Variants in ARPC1A observed in about 807,000 individuals in gnomAD.
The protein encoded by ARPC1A is actin related protein 2/3 complex subunit 1A, also known as actin-related protein 2/3 complex subunit 1A.
ARPC1A carries 8 observed loss-of-function variants against 46.9 expected under a neutral mutation model. The ratio of observed to expected loss-of-function variants is 0.17; its 90% confidence interval spans 0.10 to 0.31. ARPC1A has a LOEUF of 0.31. Among genes scored for constraint, ARPC1A ranks in the 10% least tolerant of loss-of-function variants. ARPC1A has a pLI of 1.00. For missense variants in ARPC1A, 286 were observed against 483.6 expected (o/e 0.59, Z 3.83); for synonymous variants, 152 against 169.0 (o/e 0.90, Z 0.78).
intron 2 of ARPC1A, among the ~76,000 whole-genome samples, chr7:99,337,473 C>T (rs1407466014): frequency 6.6e-6 from 1 of 152,048 alleles, no homozygotes; most frequent in African/African-American, 2.4e-5. Flanking sequence ...GAGAGCATTG[C>T]GTTTGAGCAT....
At chr7:99,331,861 G>A (rs1210549438) in intron 1 of ARPC1A, among the ~76,000 whole-genome samples, 1 of 152,216 alleles carries the variant, frequency 6.6e-6, no homozygotes, top group Non-Finnish European at 1.5e-5. Context: ...GGAGGTTGCA[G>A]TGAGCTGAGA....
chr7:99,356,326 C>A (rs568945808), intron 6 of ARPC1A, among the ~76,000 whole-genome samples: 6 of 152,112 alleles, frequency 3.9e-5, no homozygotes, highest in African/African-American at 1.2e-4. Context: ...CCCCTCAGGC[C>A]GGGTGCAGTG....
At chr7:99,343,114 A>G (rs1297831013) in intron 3 of ARPC1A, among the ~76,000 whole-genome samples, 3 of 152,088 alleles carry the variant, frequency 2.0e-5, no homozygotes, top group African/African-American at 4.8e-5. Context: ...AGAGATCTGT[A>G]ATAAATATTT....
rs73710441 is a variant in ARPC1A at position 99,354,032 on chromosome 7, C to T, written c.624C>T (p.His208=). The change falls in exon 6 of 10, where the codon CAC becomes CAT. Residue 208 remains histidine, a synonymous_variant. Transcript: ENST00000262942. ...FGGSGTGGWV[H]GVSFSASGSR... ...GCAGTGGCACTGGTGGCTGGGTCCA[C>T]GGGGTAAGCTTCTCTGCCAGTGGGA... The T allele has an allele frequency of 2.1e-3, 3,319 of 1,614,006 alleles. 40 individuals are homozygous for T. In the African/African-American group the frequency reaches 0.028, roughly 13 times the overall value.
intron 2 of ARPC1A, among the ~76,000 whole-genome samples, chr7:99,333,973 C>A (rs549204366): frequency 6.8e-6 from 1 of 146,254 alleles, no homozygotes; most frequent in African/African-American, 2.5e-5. Flanking sequence ...CCTGTCTCTA[C>A]GAAAAAAAAT....
chr7:99,340,148 TTTTGTTTGTTTGTTTG>T (rs145394943), intron 3 of ARPC1A: 1 of 392,818 alleles, frequency 2.5e-6, no homozygotes, highest in Non-Finnish European at 5.1e-6. Context: ...TTTTTTCTGT[TTTTGTTTGTTTGTTTG>T]TTTGTTTGTT....
At chr7:99,328,294 G>T (rs1478578011) in intron 1 of ARPC1A, among the ~76,000 whole-genome samples, 3 of 152,130 alleles carry the variant, frequency 2.0e-5, no homozygotes, top group Admixed American at 2.0e-4. Context: ...GCTTGAACCC[G>T]GGAGACGGAG....
At chr7:99,344,920 C>T (rs1178080747) in intron 4 of ARPC1A, among the ~76,000 whole-genome samples, 2,345 of 18,468 alleles carry the variant, frequency 0.13, no homozygotes, top group Non-Finnish European at 0.16. Flanking sequence ...TAACAATGTT[C>T]TTTTTTTTTT....
At position 99,365,992 on chromosome 7, in the gene ARPC1A, A is replaced by C; in HGVS notation, c.*63A>C. On this transcript the variant is annotated 3_prime_UTR_variant, in exon 10 of 10. Transcript: ENST00000262942. ...TGGCCGACCGCAGCTGTGCCGTGGCACGATGGCGAGGAAGCCAGCCCCAAG... is the reference window on the plus strand; with the variant it reads ...TGGCCGACCGCAGCTGTGCCGTGGCCCGATGGCGAGGAAGCCAGCCCCAAG... 1 of 1,526,306 alleles carries C rather than the reference A, an allele frequency of 6.6e-7. No individual in the cohort carries two copies. Among genetic ancestry groups the C allele is most frequent in the Admixed American group, 2.0e-5 (1 of 51,102 alleles). 94.5% of individuals were successfully genotyped at this position (1,526,306 alleles called of 1,614,324 possible).
At chr7:99,341,429 G>T (rs1477151749) in intron 3 of ARPC1A, among the ~76,000 whole-genome samples, 1 of 151,880 alleles carries the variant, frequency 6.6e-6, no homozygotes, top group African/African-American at 2.4e-5. Context: ...CCAACATGGA[G>T]AAACCCCATT....
chr7:99,333,359 A>T lies in ARPC1A; in HGVS notation c.6A>T (p.Ser2=). Reference sequence around the variant, plus strand: ...CTTTGAAAACACTAAGAATAATGTCACTGCATCAGTTTTTACTAGAGCCAA... The same window carrying T: ...CTTTGAAAACACTAAGAATAATGTCTCTGCATCAGTTTTTACTAGAGCCAA... M[S]LHQFLLEPIT... Residue 2 remains serine (S), a synonymous_variant, in exon 2 of 10, where the codon TCA becomes TCT. Transcript: ENST00000262942. 2 of 1,613,236 alleles carry T rather than the reference A, an allele frequency of 1.2e-6. No individual in the cohort carries two copies. The highest frequency in any genetic ancestry group is 4.5e-5 in the East Asian group (2 of 44,856).
At chr7:99,353,341 G>A (rs971366736) in intron 5 of ARPC1A, among the ~76,000 whole-genome samples, 2 of 151,884 alleles carry the variant, frequency 1.3e-5, no homozygotes, top group African/African-American at 4.8e-5. Context: ...TGTATTTTTC[G>A]TAGAGATGGG....
intron 4 of ARPC1A, among the ~76,000 whole-genome samples, chr7:99,344,920 CTTTT>C (rs1172071932): frequency 5.0e-5 from 1 of 20,106 alleles, no homozygotes; most frequent in African/African-American, 2.2e-4. Context: ...TAACAATGTT[CTTTT>C]TTTTTTTTTT....
intron 2 of ARPC1A, chr7:99,335,591 A>G: frequency 3.5e-6 from 1 of 287,802 alleles, no homozygotes; most frequent in Non-Finnish European, 6.9e-6. Flanking sequence ...TCAGTTTGTT[A>G]ATTTCTTTTA....
In ARPC1A at chr7:99,363,609, A is replaced by G. The variant is rs1793777563; in HGVS notation, c.1050A>G (p.Gly350=). The G allele has an allele frequency of 6.2e-7, 1 of 1,611,104 alleles. No homozygotes were observed. The highest frequency in any genetic ancestry group is 1.3e-5 in the African/African-American group (1 of 74,760). The change falls in exon 9 of 10, where the codon GGA becomes GGG. Residue 350 remains glycine, a synonymous_variant. Coordinates refer to ENST00000262942, the MANE Select transcript of ARPC1A (RefSeq NM_006409.4). Reference sequence around the variant, plus strand: ...AATTTTGCACTACTGGCATCGATGGAGCCATGACAATTTGGGATTTCAAGG... The same window carrying G: ...AATTTTGCACTACTGGCATCGATGGGGCCATGACAATTTGGGATTTCAAGG... The part of the protein sequence containing the change: ...CRKFCTTGID[G]AMTIWDFKTL...
At chr7:99,357,277 A>G (rs1256393044) in intron 6 of ARPC1A, among the ~76,000 whole-genome samples, 1 of 152,170 alleles carries the variant, frequency 6.6e-6, no homozygotes, top group Admixed American at 6.6e-5. Flanking sequence ...GGTATACCGC[A>G]CTAAGGGCTT....
At chr7:99,356,792 C>T (rs1793642801) in intron 6 of ARPC1A, among the ~76,000 whole-genome samples, 2 of 151,870 alleles carry the variant, frequency 1.3e-5, no homozygotes, top group Non-Finnish European at 2.9e-5. Flanking sequence ...CCCAGCTACT[C>T]GGGAGGCTGA....
intron 6 of ARPC1A, among the ~76,000 whole-genome samples, chr7:99,355,858 C>A (rs1219840488): frequency 6.6e-6 from 1 of 152,134 alleles, no homozygotes; most frequent in Non-Finnish European, 1.5e-5. Flanking sequence ...AGTCAGCGAA[C>A]GATGACTTCA....
In ARPC1A at chr7:99,329,834, C is replaced by T. The variant is rs576626650; in HGVS notation, c.-29-3491C>T. ...ACATGAACCATGTACTTTTATGGCACGTAGATATTCACATCAAATTTCTGA... is the reference window on the plus strand; with the variant it reads ...ACATGAACCATGTACTTTTATGGCATGTAGATATTCACATCAAATTTCTGA... On this transcript the variant is annotated intron_variant, in intron 1 of 9. Coordinates refer to ENST00000262942, the MANE Select transcript of ARPC1A (RefSeq NM_006409.4). Among the ~76,000 whole-genome samples, 211 of 152,272 alleles carry T rather than the reference C, an allele frequency of 1.4e-3. 1 individual carries two copies. Among genetic ancestry groups the T allele is most frequent in the Middle Eastern group, 6.8e-3 (2 of 294 alleles).
Sources: allele counts gnomAD v4.1 joint callset (sites outside exome capture counted in the v4.1 genomes callset), GRCh38; gene constraint gnomAD v4.1.1; transcripts MANE v1.5; gene names NCBI Gene and HGNC (gene_info 2026-07-23, HGNC 2026-07-21).